Variants in KARS1 observed in about 807,000 individuals in gnomAD.
KARS1 encodes lysyl-tRNA synthetase 1, also known as lysine--tRNA ligase.
In KARS1, 50 loss-of-function variants were observed where a neutral mutation model predicts 63.9. The ratio of observed to expected loss-of-function variants is 0.78; its 90% CI spans 0.62 to 0.99. The LOEUF (loss-of-function observed/expected upper bound fraction) is 0.99, where lower values mean the gene tolerates loss of function less well. Ranked by LOEUF, KARS1 falls within the 50% of genes least tolerant of loss-of-function variation. KARS1 has a pLI of 0.00. For synonymous variants in KARS1, 320 were observed against 264.6 expected (o/e 1.21, Z -2.03); for missense variants, 816 against 754.5 (o/e 1.08, Z -0.95).
intron 3 of KARS1, chr16:75,639,832 T>C (rs548948834): frequency 2.8e-5 from 6 of 216,008 alleles, no homozygotes; most frequent in Admixed American, 5.2e-5. Context: ...CCCAAGATAC[T>C]ACAACTCCAA....
chr16:75,627,990 C>T lies in KARS1; in HGVS notation c.1699G>A (p.Val567Ile). Residue 567 changes from valine to isoleucine, a missense_variant, in exon 14 of 14, where the codon GTA (valine) becomes ATA (isoleucine). Transcript: ENST00000302445. Reference sequence around the variant, plus strand: ...GGTTTCATGGCAGGAAACAGAAGTACTTCCTGTGGGAGATAAGAATGTACC... The same window carrying T: ...GGTTTCATGGCAGGAAACAGAAGTATTTCCTGTGGGAGATAAGAATGTACC... ...FLTDSNNIKE[V>I]LLFPAMKPED... 1.3e-6 allele frequency: 2 copies of T among 1,579,982 alleles called. No individual in the cohort carries two copies. The highest frequency in any genetic ancestry group is 8.7e-7 in the Non-Finnish European group (1 of 1,148,886).
chr16:75,646,991 G>C (rs928201142), intron 1 of KARS1, among the ~76,000 whole-genome samples: 5 of 152,116 alleles, frequency 3.3e-5, no homozygotes, highest in Non-Finnish European at 5.9e-5. Flanking sequence ...ATTTGGGAGT[G>C]GTTAACAAAG....
Position 75,640,278 on chromosome 16 carries a change from C to T in KARS1, c.294G>A (p.Lys98=), listed in dbSNP as rs756197297. ...KVNGEDPYPH[K]FHVDISLTDF... ...CAGTGAGTGAGATGTCTACATGGAA[C>T]TTGTGTGGGTATGGGTCTTCCCCAT... Residue 98 remains lysine (K), a synonymous_variant, in exon 3 of 14, where the codon AAG becomes AAA. Coordinates refer to ENST00000302445, the MANE Select transcript of KARS1 (RefSeq NM_005548.3). 3 of 1,612,592 alleles carry T rather than the reference C, an allele frequency of 1.9e-6. No homozygotes were observed. In the South Asian group the frequency reaches 3.3e-5, roughly 18 times the overall value.
chr16:75,647,429 C>T, intron 1 of KARS1, 149 bp downstream of exon 1: 2 of 783,018 alleles, frequency 2.6e-6, no homozygotes, highest in Non-Finnish European at 4.4e-6. Flanking sequence ...ACGTGGTCTG[C>T]AGGGCGCAGC....
chr16:75,634,465 G>T (rs531015931), intron 6 of KARS1, among the ~76,000 whole-genome samples, 173 bp from the exon 7 acceptor site: 3 of 152,356 alleles, frequency 2.0e-5, no homozygotes, highest in Admixed American at 2.0e-4. Context: ...TTCTACGACA[G>T]TGTCTCAATT....
At chr16:75,639,629 C>T (rs965709423) in intron 3 of KARS1, among the ~76,000 whole-genome samples, 10 of 143,692 alleles carry the variant, frequency 7.0e-5, no homozygotes, top group Non-Finnish European at 1.2e-4. Context: ...AAGAAGAAAT[C>T]TTTTGGGCAT....
intron 4 of KARS1, 48 bp downstream of exon 4, chr16:75,636,406 T>C (rs942422507): frequency 1.7e-6 from 2 of 1,171,806 alleles, no homozygotes; most frequent in Admixed American, 1.7e-5. Flanking sequence ...ATTGCTGTGT[T>C]GCTCTAGGCC....
Position 75,635,961 on chromosome 16 carries a change from G to A in KARS1, c.620C>T (p.Ser207Phe), listed in dbSNP as rs1435382904. 11 of 1,614,062 alleles carry A rather than the reference G, an allele frequency of 6.8e-6. No individual in the cohort carries two copies. The highest frequency in any genetic ancestry group is 9.3e-6 in the Non-Finnish European group (11 of 1,180,030). The change falls in exon 5 of 14, where the codon TCT becomes TTT. Residue 207 changes from serine (S) to phenylalanine (F), a missense_variant. Transcript: ENST00000302445. ...ATGAGGTAACATATGCAAACAGGGA[G>A]ACAGCAGTGTGATCTCATACGGAAT... The part of the protein sequence containing the change: ...SIIPYEITLL[S>F]PCLHMLPHLH...
chr16:75,632,757 T>G (rs539756001), intron 7 of KARS1, among the ~76,000 whole-genome samples: 5 of 152,184 alleles, frequency 3.3e-5, no homozygotes. Context: ...CTGGGGACTG[T>G]GAGCTTCCTC....
At chr16:75,639,013 C>T (rs931935419) in intron 3 of KARS1, among the ~76,000 whole-genome samples, 5 of 151,086 alleles carry the variant, frequency 3.3e-5, no homozygotes, top group Non-Finnish European at 5.9e-5. Flanking sequence ...ACTAAAGATA[C>T]AAAAATTAGC....
intron 2 of KARS1, 72 bp downstream of exon 2, chr16:75,641,492 C>G: frequency 7.2e-7 from 1 of 1,391,494 alleles, no homozygotes; most frequent in East Asian, 2.4e-5. Flanking sequence ...CTGTCCAGTC[C>G]CAAAGAATCT....
intron 3 of KARS1, among the ~76,000 whole-genome samples, chr16:75,638,300 G>T (rs58780202): frequency 0.018 from 2,732 of 151,980 alleles, 93 homozygotes; most frequent in African/African-American, 0.063. Context: ...CATGTGCCAT[G>T]GTGGTTTGCT....
chr16:75,644,750 T>C (rs779177619), intron 1 of KARS1, among the ~76,000 whole-genome samples: 4 of 152,162 alleles, frequency 2.6e-5, no homozygotes, highest in Non-Finnish European at 4.4e-5. Context: ...TCCTAGAATA[T>C]GGGAACAGGA....
chr16:75,639,114 G>A (rs1426221058), intron 3 of KARS1, among the ~76,000 whole-genome samples: 1 of 152,036 alleles, frequency 6.6e-6, no homozygotes, highest in Non-Finnish European at 1.5e-5. Flanking sequence ...GTTGCAGTGA[G>A]CCGAGATTGC....
chr16:75,642,185 C>CTTTTTTTTTTTTTTTTTTTTTTTT (rs148991591), intron 1 of KARS1, among the ~76,000 whole-genome samples: 1 of 63,170 alleles, frequency 1.6e-5, no homozygotes, highest in African/African-American at 4.0e-5. Context: ...AGTGCCAGGT[C>CTTTTTTTTTTTTTTTTTTTTTTTT]TTTTTTTTTT....
chr16:75,634,949 AT>A (rs2082147619), intron 6 of KARS1, among the ~76,000 whole-genome samples: 1 of 152,238 alleles, frequency 6.6e-6, no homozygotes, highest in Non-Finnish European at 1.5e-5. Flanking sequence ...TTTAAAAAAA[AT>A]TTTAACTGCT....
chr16:75,640,439 CGAG>C, intron 2 of KARS1, 90 bp from the exon 3 acceptor site: 3 of 1,185,814 alleles, frequency 2.5e-6, no homozygotes, highest in Non-Finnish European at 3.7e-6. Flanking sequence ...ATTCTGCCCC[CGAG>C]TGACCCCAAT....
intron 1 of KARS1, among the ~76,000 whole-genome samples, chr16:75,643,578 A>G: frequency 6.6e-6 from 1 of 152,038 alleles, no homozygotes; most frequent in South Asian, 2.1e-4. Flanking sequence ...ATGGGGTTTC[A>G]CCGTGTTAGC....
intron 7 of KARS1, chr16:75,633,917 T>C (rs1446954376): frequency 2.9e-5 from 13 of 445,918 alleles, no homozygotes; most frequent in Non-Finnish European, 5.0e-5. Context: ...TTAAAAGTTT[T>C]AGGGGAACCA....
Sources: allele counts gnomAD v4.1 joint callset (sites outside exome capture counted in the v4.1 genomes callset), GRCh38; gene constraint gnomAD v4.1.1; transcripts MANE v1.5; gene names NCBI Gene and HGNC (gene_info 2026-07-23, HGNC 2026-07-21).